RIMS1: variants seen among roughly 807,000 people sequenced by gnomAD.
RIMS1 encodes the protein regulating synaptic membrane exocytosis protein 1.
Under a neutral mutation model 214.1 loss-of-function variants are expected in RIMS1, and 83 were observed. That is an observed-to-expected ratio of 0.39 (90% confidence interval 0.32 to 0.47). The LOEUF is 0.47. RIMS1 is among the 20% of genes least tolerant of loss of function. The pLI is 0.99. For missense variants in RIMS1, 2,050 were observed against 2,161.8 expected (o/e 0.95, Z 1.03); for synonymous variants, 793 against 786.8 (o/e 1.01, Z -0.13).
intron 6 of RIMS1, chr6:72,216,375 A>C (rs1374836160): frequency 1.1e-6 from 1 of 894,658 alleles, no homozygotes; most frequent in Non-Finnish European, 1.3e-6. Flanking sequence ...TCTCTGGCAA[A>C]ACCTGTTTGA....
intron 29 of RIMS1, among the ~76,000 whole-genome samples, chr6:72,354,759 C>T (rs11760021): frequency 0.19 from 28,820 of 152,168 alleles, 3,455 homozygotes; most frequent in South Asian, 0.27. Context: ...CTACCCACAT[C>T]TAAGTGTAGT....
chr6:71,911,876 A>G (rs1294046973), intron 1 of RIMS1, among the ~76,000 whole-genome samples: 1 of 152,084 alleles, frequency 6.6e-6, no homozygotes, highest in Non-Finnish European at 1.5e-5. Context: ...TTTACATTTG[A>G]TATTTCTTAA....
chr6:71,933,606 G>A (rs1238166330), intron 1 of RIMS1, among the ~76,000 whole-genome samples: 1 of 151,718 alleles, frequency 6.6e-6, no homozygotes, highest in African/African-American at 2.4e-5. Flanking sequence ...CAGTGGCAGA[G>A]AGAAGAGATG....
At chr6:71,952,631 G>C (rs1030434497) in intron 1 of RIMS1, among the ~76,000 whole-genome samples, 1 of 152,202 alleles carries the variant, frequency 6.6e-6, no homozygotes, top group Non-Finnish European at 1.5e-5. Flanking sequence ...ATGAGAATAT[G>C]CTAGGAAGTT....
At chr6:72,029,339 G>A (rs1817426203) in intron 2 of RIMS1, among the ~76,000 whole-genome samples, 1 of 152,116 alleles carries the variant, frequency 6.6e-6, no homozygotes, top group Non-Finnish European at 1.5e-5. Flanking sequence ...ACATATTATA[G>A]TCTGAATGTG....
chr6:72,389,882 A>G (rs1202470121), intron 29 of RIMS1, among the ~76,000 whole-genome samples: 2 of 152,198 alleles, frequency 1.3e-5, no homozygotes, highest in African/African-American at 4.8e-5. Context: ...TCAAGAACTG[A>G]AATGCAAATG....
At chr6:72,364,438 T>C (rs1033339412) in intron 29 of RIMS1, among the ~76,000 whole-genome samples, 3 of 152,202 alleles carry the variant, frequency 2.0e-5, no homozygotes, top group African/African-American at 7.2e-5. Context: ...CTGTGAAATG[T>C]GAATCGTTTA....
chr6:72,337,527 C>T (rs974625045), intron 29 of RIMS1, among the ~76,000 whole-genome samples: 3 of 151,708 alleles, frequency 2.0e-5, no homozygotes, highest in Non-Finnish European at 4.4e-5. Flanking sequence ...TTCACTCCTT[C>T]ATTGGTCACA....
At chr6:72,388,445 A>G (rs1031122536) in intron 29 of RIMS1, among the ~76,000 whole-genome samples, 2 of 152,138 alleles carry the variant, frequency 1.3e-5, no homozygotes, top group Non-Finnish European at 2.9e-5. Flanking sequence ...CCACGATAAC[A>G]ATTTTGGATT....
At chr6:72,038,597 A>C (rs899902770) in intron 2 of RIMS1, among the ~76,000 whole-genome samples, 44 of 152,150 alleles carry the variant, frequency 2.9e-4, no homozygotes, top group African/African-American at 1.1e-3. Context: ...ATGTTTACTT[A>C]ACCATTTATT....
At chr6:72,292,807 A>G (rs1329422908) in intron 26 of RIMS1, among the ~76,000 whole-genome samples, 11 of 152,148 alleles carry the variant, frequency 7.2e-5, no homozygotes, top group African/African-American at 2.7e-4. Flanking sequence ...GCAATTTACT[A>G]AAATAATTTC....
At chr6:71,997,986 G>A (rs773081760) in intron 2 of RIMS1, among the ~76,000 whole-genome samples, 1 of 151,978 alleles carries the variant, frequency 6.6e-6, no homozygotes, top group Non-Finnish European at 1.5e-5. Flanking sequence ...ATGAACAAAT[G>A]CTGGACATTT....
At chr6:72,002,750 A>T (rs991065224) in intron 2 of RIMS1, among the ~76,000 whole-genome samples, 1 of 152,166 alleles carries the variant, frequency 6.6e-6, no homozygotes, top group Non-Finnish European at 1.5e-5. Flanking sequence ...ATTGGGTAGG[A>T]TGAGTGATGA....
chr6:72,163,811 GC>G (rs2045843775), intron 4 of RIMS1, among the ~76,000 whole-genome samples: 2 of 95,724 alleles, frequency 2.1e-5, no homozygotes, highest in Middle Eastern at 5.2e-3. Flanking sequence ...GGGGGGGGGG[GC>G]CTCCCAGTTA....
chr6:72,144,374 T>C (rs2042441531), intron 4 of RIMS1, among the ~76,000 whole-genome samples: 2 of 152,198 alleles, frequency 1.3e-5, no homozygotes, highest in South Asian at 2.1e-4. Context: ...TTCTAAAGAA[T>C]GTGTCTCCTG....
At chr6:72,387,555 A>G (rs2098634576) in intron 29 of RIMS1, among the ~76,000 whole-genome samples, 1 of 152,248 alleles carries the variant, frequency 6.6e-6, no homozygotes, top group African/African-American at 2.4e-5. Context: ...ATAAATACCA[A>G]AACTAAACTA....
chr6:72,007,839 A>G (rs561470007), intron 2 of RIMS1, among the ~76,000 whole-genome samples: 3 of 152,340 alleles, frequency 2.0e-5, no homozygotes, highest in South Asian at 2.1e-4. Context: ...GACCAAATCT[A>G]TGTCTGATTG....
At chr6:71,929,796 G>A (rs1391333459) in intron 1 of RIMS1, among the ~76,000 whole-genome samples, 1 of 152,006 alleles carries the variant, frequency 6.6e-6, no homozygotes, top group Non-Finnish European at 1.5e-5. Context: ...TAAAATTAAT[G>A]GGACTGGCAT....
intron 2 of RIMS1, among the ~76,000 whole-genome samples, chr6:71,974,102 A>C (rs1329924882): frequency 1.3e-5 from 2 of 152,190 alleles, no homozygotes; most frequent in South Asian, 4.1e-4. Flanking sequence ...TATGAGGTAG[A>C]TCTGGATTGA....
Sources: gnomAD v4.1 joint callset for allele counts (sites outside exome capture counted in the v4.1 genomes callset) on GRCh38, gnomAD v4.1.1 for gene constraint, MANE v1.5 for transcripts, NCBI Gene and HGNC (gene_info 2026-07-23, HGNC 2026-07-21) for gene names.